LAMA2: variants seen among roughly 807,000 people sequenced by gnomAD.
LAMA2 encodes laminin subunit alpha 2.
In LAMA2, 269 loss-of-function variants were observed where a neutral mutation model predicts 364.8. The ratio of observed to expected loss-of-function variants is 0.74; its 90% confidence interval spans 0.67 to 0.82. LAMA2 has a LOEUF of 0.82. LAMA2 is among the 40% of genes least tolerant of loss of function. LAMA2 has a pLI of 0.00. For missense variants in LAMA2, 3,807 were observed against 3,873.2 expected (o/e 0.98, Z 0.45); for synonymous variants, 1,379 against 1,370.6 (o/e 1.01, Z -0.14).
At position 128,922,365 on chromosome 6, in the gene LAMA2, C is replaced by A. The variant is rs554208988; in HGVS notation, c.112+39008C>A. Among the ~76,000 whole-genome samples, 336 of 151,316 alleles carry A rather than the reference C, an allele frequency of 2.2e-3. 1 individual carries two copies. The highest frequency in any genetic ancestry group is 3.4e-3 in the Middle Eastern group (1 of 294). On this transcript the variant is annotated intron_variant, in intron 1 of 64. Coordinates refer to ENST00000421865, the MANE Select transcript of LAMA2 (RefSeq NM_000426.4). ...CCTATTTCTCCACATCCTCTCCAGCCCCTGTTGTTTCCTGACTTTTTAATG... is the reference window on the plus strand; with the variant it reads ...CCTATTTCTCCACATCCTCTCCAGCACCTGTTGTTTCCTGACTTTTTAATG...
At position 129,464,292 on chromosome 6, in the gene LAMA2, C is replaced by G. The variant is rs1441553204; in HGVS notation, c.6995C>G (p.Pro2332Arg). ...EGDCKGCTVS[P>R]QVEDSEGTIQ... ...ATGTGAAATGTCTCTCTTCTCAGTC[C>G]TCAGGTGGAAGATAGTGAGGGGACT... The change falls in exon 50 of 65, where the codon CCT (proline) becomes CGT (arginine). Residue 2332 changes from proline to arginine, a missense_variant and splice_region_variant. By Grantham distance (103) the Pro-to-Arg change is moderately radical. This residue lies in a region of LAMA2 where 3,333 missense variants were observed against 3,345.7 expected (regional missense o/e 1.00). Transcript: ENST00000421865. The G allele has an allele frequency of 3.1e-6, 5 of 1,611,072 alleles. No individual in the cohort carries two copies. Among genetic ancestry groups the G allele is most frequent in the Non-Finnish European group, 3.4e-6 (4 of 1,177,878 alleles).
In LAMA2 at chr6:129,516,547, A is replaced by G. The variant is rs1168601680; in HGVS notation, c.*200A>G. 2 of 584,306 alleles carry G rather than the reference A, an allele frequency of 3.4e-6. No homozygotes were observed. Among genetic ancestry groups the G allele is most frequent in the African/African-American group, 3.7e-5 (2 of 53,568 alleles). The allele number at this position is 584,306 out of a possible 1,614,324, so 36.2% of individuals were successfully genotyped here. On this transcript the variant is annotated 3_prime_UTR_variant, in exon 65 of 65. Coordinates refer to ENST00000421865, the MANE Select transcript of LAMA2 (RefSeq NM_000426.4). ...TTCTCAAGTCTATAAATAATATTAA[A>G]CTGATTATTTCATTCTAAATAATTG...
At chr6:129,416,532 C>T (rs1780798584) in intron 40 of LAMA2, among the ~76,000 whole-genome samples, 1 of 152,156 alleles carries the variant, frequency 6.6e-6, no homozygotes, top group Admixed American at 6.5e-5. Flanking sequence ...ATTCCCTGGC[C>T]AGTTCCATCG....
intron 52 of LAMA2, 152 bp from the exon 53 acceptor site, chr6:129,475,238 T>G: frequency 1.8e-6 from 1 of 553,402 alleles, no homozygotes; most frequent in Non-Finnish European, 3.2e-6. Flanking sequence ...TTTAGTTCTA[T>G]TGGGGCTTTT....
intron 1 of LAMA2, among the ~76,000 whole-genome samples, chr6:129,042,922 A>G (rs925194384): frequency 1.3e-5 from 2 of 152,178 alleles, no homozygotes; most frequent in African/African-American, 2.4e-5. Flanking sequence ...CCATTCATGG[A>G]AACCTAAGGT....
intron 29 of LAMA2, among the ~76,000 whole-genome samples, chr6:129,335,399 C>G (rs911976353): frequency 1.5e-5 from 2 of 131,060 alleles, no homozygotes; most frequent in South Asian, 2.5e-4. Flanking sequence ...TAGATAGATA[C>G]AGAAGGAAGA....
At chr6:129,161,996 T>C (rs1779467850) in intron 8 of LAMA2, among the ~76,000 whole-genome samples, 1 of 152,230 alleles carries the variant, frequency 6.6e-6, no homozygotes. Flanking sequence ...GAATGATATA[T>C]ATTCCTTTGG....
intron 1 of LAMA2, among the ~76,000 whole-genome samples, chr6:128,955,564 G>A (rs1781091614): frequency 6.6e-6 from 1 of 151,798 alleles, no homozygotes; most frequent in Non-Finnish European, 1.5e-5. Context: ...AGAATAAAAT[G>A]TCATAGAAAA....
chr6:129,499,654 C>T lies in LAMA2; in HGVS notation c.8245-3005C>T, dbSNP rs115849797. On this transcript the variant is annotated intron_variant, in intron 58 of 64. Transcript: ENST00000421865. Reference sequence around the variant, plus strand: ...GCTCCACCCACTGTGGGACATGAGGCAGAAGGAAGAGAAGAGGAAGCAACA... The same window carrying T: ...GCTCCACCCACTGTGGGACATGAGGTAGAAGGAAGAGAAGAGGAAGCAACA... Among the ~76,000 whole-genome samples the T allele has an allele frequency of 7.3e-3, 1,108 of 152,200 alleles. 14 individuals carry two copies. Among genetic ancestry groups the T allele is most frequent in the African/African-American group, 0.025 (1,052 of 41,528 alleles).
chr6:129,200,490 A>G (rs1209567765), intron 12 of LAMA2, among the ~76,000 whole-genome samples: 1 of 150,634 alleles, frequency 6.6e-6, no homozygotes, highest in African/African-American at 2.4e-5. Context: ...ATATATGTGT[A>G]TGTACACATA....
chr6:128,993,174 C>T (rs754472779), intron 1 of LAMA2, among the ~76,000 whole-genome samples: 15 of 152,088 alleles, frequency 9.9e-5, no homozygotes, highest in African/African-American at 1.7e-4. Flanking sequence ...ACATCAATCA[C>T]GCCAAAAAAC....
chr6:128,931,328 T>G (rs1006118486), intron 1 of LAMA2, among the ~76,000 whole-genome samples: 4 of 152,230 alleles, frequency 2.6e-5, no homozygotes, highest in African/African-American at 9.6e-5. Flanking sequence ...CTAGCACTTT[T>G]CAGGCAATAA....
At chr6:129,407,866 G>A (rs1017036333) in intron 40 of LAMA2, among the ~76,000 whole-genome samples, 7 of 152,180 alleles carry the variant, frequency 4.6e-5, no homozygotes, top group African/African-American at 1.7e-4. Context: ...TTCCATGCAT[G>A]CTCTTCCTTG....
chr6:129,286,442 T>C (rs1475023193), intron 18 of LAMA2, among the ~76,000 whole-genome samples: 1 of 147,810 alleles, frequency 6.8e-6, no homozygotes, highest in African/African-American at 2.5e-5. Flanking sequence ...AGTTGCATTT[T>C]AAAACATAAC....
intron 32 of LAMA2, among the ~76,000 whole-genome samples, chr6:129,365,806 C>T (rs1777737267): frequency 1.3e-5 from 2 of 152,086 alleles, no homozygotes; most frequent in South Asian, 2.1e-4. Flanking sequence ...TGGAGCACCA[C>T]ACATTTAGAC....
intron 62 of LAMA2, among the ~76,000 whole-genome samples, chr6:129,510,102 G>A: frequency 6.6e-6 from 1 of 152,086 alleles, no homozygotes; most frequent in Non-Finnish European, 1.5e-5. Flanking sequence ...ATTCAACATA[G>A]TATTGGAAGT....
rs766521929 is a variant in LAMA2, at chr6:129,366,304, G to C, written c.4803G>C (p.Pro1601=). The C allele has an allele frequency of 3.1e-6, 5 of 1,613,868 alleles. No individual in the cohort carries two copies. The highest frequency in any genetic ancestry group is 4.2e-6 in the Non-Finnish European group (5 of 1,179,956). ...TCATGAGCATCAACCTCACTGGTCCGCTGCCTGCGCCATATAAAATGCTGT... is the reference window on the plus strand; with the variant it reads ...TCATGAGCATCAACCTCACTGGTCCCCTGCCTGCGCCATATAAAATGCTGT... ...QMVMSINLTG[P]LPAPYKMLYG... The change falls in exon 33 of 65, where the codon CCG becomes CCC. Residue 1601 remains proline (P), a synonymous_variant. Coordinates refer to ENST00000421865, the MANE Select transcript of LAMA2 (RefSeq NM_000426.4).
intron 33 of LAMA2, among the ~76,000 whole-genome samples, chr6:129,367,122 G>A (rs1028245184): frequency 6.6e-6 from 1 of 152,174 alleles, no homozygotes; most frequent in Non-Finnish European, 1.5e-5. Flanking sequence ...TCTTCAACAA[G>A]CACCAGTTTG....
In LAMA2 at chr6:129,323,683, C is replaced by A. The variant is rs145046296; in HGVS notation, c.4176+3028C>A. On this transcript the variant is annotated intron_variant, in intron 28 of 64. Coordinates refer to ENST00000421865, the MANE Select transcript of LAMA2 (RefSeq NM_000426.4). ...ATTGCCCAAACTGACCTAAACTGAG[C>A]TTTATGCAGTTGAAAGGTTATATGC... 2.8e-4 allele frequency among the ~76,000 whole-genome samples: 42 copies of A among 152,204 alleles called. 1 individual carries two copies. The East Asian group carries it at 7.3e-3, about 27-fold the overall frequency.
Sources: allele counts gnomAD v4.1 joint callset (sites outside exome capture counted in the v4.1 genomes callset), GRCh38; gene constraint gnomAD v4.1.1; regional missense constraint gnomAD v4.1.1; transcripts MANE v1.5; gene names NCBI Gene and HGNC (gene_info 2026-07-23, HGNC 2026-07-21).